Variants in SUZ12 observed in about 807,000 individuals in gnomAD.
SUZ12 encodes polycomb protein SUZ12.
SUZ12 carries 17 observed loss-of-function variants against 87.3 expected under a neutral mutation model. The ratio of observed to expected loss-of-function variants is 0.19; its 90% confidence interval spans 0.13 to 0.29. The LOEUF is 0.29. Ranked by LOEUF, SUZ12 falls within the 10% of genes least tolerant of loss-of-function variation. SUZ12 has a pLI of 1.00. For synonymous variants in SUZ12, 253 were observed against 312.4 expected (o/e 0.81, Z 2.01); for missense variants, 526 against 912.2 (o/e 0.58, Z 5.45).
At chr17:31,957,025 C>A (rs1262189001) in intron 4 of SUZ12, among the ~76,000 whole-genome samples, 1 of 152,172 alleles carries the variant, frequency 6.6e-6, no homozygotes, top group Non-Finnish European at 1.5e-5. Context: ...ATCCACCCAC[C>A]TCGGCCTCCC....
At chr17:31,955,813 C>T (rs1180064421) in intron 4 of SUZ12, among the ~76,000 whole-genome samples, 1 of 152,046 alleles carries the variant, frequency 6.6e-6, no homozygotes, top group Non-Finnish European at 1.5e-5. Flanking sequence ...AACTTCTGGC[C>T]TCTAACAGTC....
At chr17:31,990,760 T>A (rs1266266273) in intron 10 of SUZ12, among the ~76,000 whole-genome samples, 3 of 152,172 alleles carry the variant, frequency 2.0e-5, no homozygotes, top group Non-Finnish European at 4.4e-5. Flanking sequence ...TTTTACTTTT[T>A]TTTTTGAGAC....
At position 31,966,220 on chromosome 17, in the gene SUZ12, G is replaced by C. The variant is rs372297964; in HGVS notation, c.505+24G>C. ...TGGTATGTATTTAAAAGTAAATAAA[G>C]TGGCATTTTAATAGCAAGATACCTT... On this transcript the variant is annotated intron_variant, in intron 5 of 15. Coordinates refer to ENST00000322652, the MANE Select transcript of SUZ12 (RefSeq NM_015355.4). 6 of 1,581,490 alleles carry C rather than the reference G, an allele frequency of 3.8e-6. No individual in the cohort carries two copies. In the African/African-American group the frequency reaches 8.2e-5, roughly 22 times the overall value.
chr17:31,972,256 A>G (rs930755570), intron 5 of SUZ12, among the ~76,000 whole-genome samples: 9 of 152,034 alleles, frequency 5.9e-5, no homozygotes, highest in Non-Finnish European at 1.2e-4. Context: ...CTGCACTCCA[A>G]CCTGGTTGAC....
rs1029763887 is a variant in SUZ12 at position 31,989,731 on chromosome 17, T to C, written c.1201+1234T>C. Among the ~76,000 whole-genome samples, 5 of 151,720 alleles carry C rather than the reference T, an allele frequency of 3.3e-5. No homozygotes were observed. In the East Asian group the frequency reaches 7.7e-4, roughly 23 times the overall value. On this transcript the variant is annotated intron_variant, in intron 10 of 15. Transcript: ENST00000322652. ...CTCCTGCCTCAGCCTCCTGAGTAGC[T>C]GGCATTACAGGCGCCTGCCACCACG...
At chr17:31,944,124 TTTA>T (rs989687082) in intron 3 of SUZ12, among the ~76,000 whole-genome samples, 1 of 152,112 alleles carries the variant, frequency 6.6e-6, no homozygotes, top group African/African-American at 2.4e-5. Context: ...ACACATTTAT[TTTA>T]TTATTATTAT....
chr17:31,990,576 G>A (rs765617457), intron 10 of SUZ12, among the ~76,000 whole-genome samples: 1 of 151,906 alleles, frequency 6.6e-6, no homozygotes, highest in Non-Finnish European at 1.5e-5. Context: ...TGTTGGCCAG[G>A]CTTGTCTCAA....
At chr17:31,980,716 G>A (rs772782742) in intron 8 of SUZ12, among the ~76,000 whole-genome samples, 1 of 150,968 alleles carries the variant, frequency 6.6e-6, no homozygotes, top group Non-Finnish European at 1.5e-5. Context: ...CCAAACTGTT[G>A]GGATTACGGG....
intron 3 of SUZ12, among the ~76,000 whole-genome samples, chr17:31,944,665 A>C (rs1324224937): frequency 4.6e-5 from 7 of 152,146 alleles, no homozygotes; most frequent in Non-Finnish European, 2.9e-5. Flanking sequence ...GTTCCTACAG[A>C]AATGGGTAGG....
intron 9 of SUZ12, among the ~76,000 whole-genome samples, chr17:31,986,972 A>G (rs1303312978): frequency 6.6e-6 from 1 of 152,226 alleles, no homozygotes; most frequent in African/African-American, 2.4e-5. Context: ...CTATATTTGA[A>G]TAGGAAAGTA....
chr17:31,941,556 C>G (rs533752073), intron 3 of SUZ12, among the ~76,000 whole-genome samples: 2 of 145,156 alleles, frequency 1.4e-5, no homozygotes, highest in African/African-American at 5.1e-5. Flanking sequence ...CGTGCCTGGC[C>G]TTTTTTTTTT....
intron 6 of SUZ12, among the ~76,000 whole-genome samples, chr17:31,975,096 G>T (rs1284064514): frequency 6.6e-6 from 1 of 152,046 alleles, no homozygotes; most frequent in Non-Finnish European, 1.5e-5. Context: ...ACATTTAAGA[G>T]ATTTGATAAA....
At chr17:31,989,988 A>AGTCTCGCT (rs3084095) in intron 10 of SUZ12, among the ~76,000 whole-genome samples, 23,495 of 144,056 alleles carry the variant, frequency 0.16, 2,042 homozygotes, top group African/African-American at 0.23. Flanking sequence ...TTTGAGATGG[A>AGTCTCGCT]GTCTCGCCCA....
chr17:31,949,676 C>CTTTTTTTTTTTTTTTTTTTT, intron 4 of SUZ12, among the ~76,000 whole-genome samples: 1 of 12,372 alleles, frequency 8.1e-5, no homozygotes, highest in Non-Finnish European at 1.5e-4. Context: ...CCCCCCCCCC[C>CTTTTTTTTTTTTTTTTTTTT]TTTTTTTTTT....
intron 4 of SUZ12, among the ~76,000 whole-genome samples, chr17:31,964,320 C>T (rs1451095878): frequency 1.3e-5 from 2 of 152,024 alleles, no homozygotes; most frequent in African/African-American, 4.8e-5. Context: ...CCACCGCACC[C>T]AGCCCCTAGC....
intron 5 of SUZ12, among the ~76,000 whole-genome samples, chr17:31,968,125 A>G (rs1338122539): frequency 6.6e-6 from 1 of 152,164 alleles, no homozygotes; most frequent in Admixed American, 6.5e-5. Context: ...AGCCAAGATC[A>G]CACCACTGTA....
At chr17:31,984,598 T>C (rs1363230546) in intron 9 of SUZ12, among the ~76,000 whole-genome samples, 1 of 152,226 alleles carries the variant, frequency 6.6e-6, no homozygotes, top group East Asian at 1.9e-4. Flanking sequence ...AATGCTAATA[T>C]GAATACATAA....
At chr17:31,965,348 A>G (rs1163059550) in intron 4 of SUZ12, among the ~76,000 whole-genome samples, 16 of 152,214 alleles carry the variant, frequency 1.1e-4, no homozygotes, top group Middle Eastern at 6.8e-3. Flanking sequence ...CTGATCAACA[A>G]CTGTATTGTG....
chr17:31,949,221 T>G (rs933281948), intron 4 of SUZ12, among the ~76,000 whole-genome samples: 2 of 152,228 alleles, frequency 1.3e-5, no homozygotes, highest in African/African-American at 4.8e-5. Context: ...GTGTGGGAGA[T>G]ACATACTGTT....
Sources: allele counts gnomAD v4.1 joint callset (sites outside exome capture counted in the v4.1 genomes callset), GRCh38; gene constraint gnomAD v4.1.1; transcripts MANE v1.5; gene names NCBI Gene and HGNC (gene_info 2026-07-23, HGNC 2026-07-21).